RPL9: variants seen among roughly 807,000 people sequenced by gnomAD.
RPL9 encodes ribosomal protein L9.
For synonymous variants in RPL9, 82 were observed against 77.1 expected (o/e 1.06, Z -0.33); for missense variants, 149 against 236.7 (o/e 0.63, Z 2.43).
At chr4:39,457,079 G>C (rs1282907548) in intron 4 of RPL9, 1 of 159,464 alleles carries the variant, frequency 6.3e-6, no homozygotes, top group Non-Finnish European at 1.4e-5. Flanking sequence ...ATACATTATG[G>C]CAGCAGACAG....
rs1231922174 is a variant in RPL9, at chr4:39,458,387, C to T, written c.46+7G>A. ...AAGATGTAAGTAAAAGACATCAAGT[C>T]TCATACCATTTTCTGGAATGTCGAC... On this transcript the variant is annotated splice_region_variant and intron_variant, in intron 2 of 7. Transcript: ENST00000295955. 2 of 1,614,088 alleles carry T rather than the reference C, an allele frequency of 1.2e-6. No homozygotes were observed. Among genetic ancestry groups the T allele is most frequent in the African/African-American group, 2.7e-5 (2 of 74,930 alleles).
chr4:39,456,185 A>T (rs1209537809), intron 5 of RPL9: 2 of 568,818 alleles, frequency 3.5e-6, no homozygotes, highest in Non-Finnish European at 3.2e-6. Flanking sequence ...AAGCTACTCC[A>T]ATGTATCAAC....
Position 39,454,561 on chromosome 4 carries a change from A to G in RPL9, c.561T>C (p.Val187=), listed in dbSNP as rs772146961. The G allele has an allele frequency of 1.9e-6, 3 of 1,612,036 alleles. No homozygotes were observed. In the African/African-American group the frequency reaches 4.0e-5, roughly 22 times the overall value. The change falls in exon 7 of 8, where the codon GTT becomes GTC. Residue 187 remains valine, a synonymous_variant. Transcript: ENST00000295955. ...TTAGATCTTATTCATCAGCCTGCTG[A>G]ACAGTTCCTTTTTCAGAGACATAGA... is the stretch of plus-strand genomic sequence containing the variant. ...DGIYVSEKGT[V]QQADE is the part of the protein sequence containing the mutation.
Position 39,454,162 on chromosome 4 carries a change from A to C in RPL9, c.*74T>G, listed in dbSNP as rs1254254127. 6.2e-6 allele frequency: 1 copy of C among 160,186 alleles called. No individual in the cohort carries two copies. Among genetic ancestry groups the C allele is most frequent in the Non-Finnish European group, 1.4e-5 (1 of 72,850 alleles). 9.9% of individuals were successfully genotyped at this position (160,186 alleles called of 1,614,324 possible). The stretch of plus-strand genomic sequence containing the variant: ...TCCAAATCAATAGGTCTTTTATTGC[A>C]TCATTTAAATATCACAAGTAGGTCT... On this transcript the variant is annotated 3_prime_UTR_variant, in exon 8 of 8. Coordinates refer to ENST00000295955, the MANE Select transcript of RPL9 (RefSeq NM_000661.5).
intron 6 of RPL9, 69 bp from the exon 7 acceptor site, chr4:39,454,718 T>C: frequency 1.4e-6 from 2 of 1,465,592 alleles, no homozygotes; most frequent in Non-Finnish European, 9.3e-7. Context: ...TATTTCATTA[T>C]GTGCTGTACT....
chr4:39,456,317 C>T (rs759174774), intron 5 of RPL9, 89 bp downstream of exon 5: 62 of 1,441,250 alleles, frequency 4.3e-5, no homozygotes, highest in Non-Finnish European at 5.7e-5. Context: ...AAAACAACAG[C>T]CAACTAAAGT....
Position 39,458,224 on chromosome 4 carries a change from T to C in RPL9, c.132A>G (p.Glu44=), listed in dbSNP as rs752280601. 15 of 1,614,080 alleles carry C rather than the reference T, an allele frequency of 9.3e-6. No individual in the cohort carries two copies. Among genetic ancestry groups the C allele is most frequent in the Non-Finnish European group, 1.3e-5 (15 of 1,180,014 alleles). ...LRRDFNHINV[E]LSLLGKKKKR... ...TTTTTTTCTTTCCAAGAAGGCTGAG[T>C]TCTACATTGATGTGATTGAAGTCCC... Residue 44 remains glutamate (E), a synonymous_variant, in exon 3 of 8, where the codon GAA becomes GAG. Coordinates refer to ENST00000295955, the MANE Select transcript of RPL9 (RefSeq NM_000661.5).
chr4:39,455,054 T>C, intron 5 of RPL9, 110 bp from the exon 6 acceptor site: 1 of 1,155,352 alleles, frequency 8.7e-7, no homozygotes, highest in Non-Finnish European at 1.2e-6. Flanking sequence ...AAGAACCTTT[T>C]CTTAAGATTT....
intron 4 of RPL9, 144 bp from the exon 5 acceptor site, chr4:39,456,682 TA>T: frequency 1.1e-6 from 1 of 873,022 alleles, no homozygotes; most frequent in African/African-American, 1.7e-5. Context: ...AACCAAGCCT[TA>T]TAAACATTGT....
chr4:39,456,226 A>G (rs1744079910), intron 5 of RPL9, 180 bp downstream of exon 5: 1 of 673,966 alleles, frequency 1.5e-6, no homozygotes, highest in East Asian at 2.9e-5. Flanking sequence ...ATAATGATAT[A>G]AACCCTTAAG....
rs2276889 is a variant in RPL9 at position 39,458,793 on chromosome 4, C to A, written c.-2+98G>T. 25,001 of 684,042 alleles carry A rather than the reference C, an allele frequency of 0.037. 744 individuals carry two copies. The highest frequency in any genetic ancestry group is 0.1 in the Middle Eastern group (442 of 4,246). 42.4% of individuals were successfully genotyped at this position (684,042 alleles called of 1,614,324 possible). A position where few individuals can be genotyped will look rare whatever the true frequency, so the allele number is the denominator to read the frequency against. On this transcript the variant is annotated intron_variant, in intron 1 of 7. Transcript: ENST00000295955. ...GGCGCTTGCCGAGCTGGGGGACAAA[C>A]AGGACAAGGTTCCGAGAGTGGGAGC... is the stretch of plus-strand genomic sequence containing the variant.
Position 39,458,320 on chromosome 4 carries a change from G to A in RPL9, c.47-11C>T, listed in dbSNP as rs754417283. ...TCAGAGTAATGTCGACTAGAAGAGAGAACACACTCGTCAGGCCACACAACG... is the reference window on the plus strand; with the variant it reads ...TCAGAGTAATGTCGACTAGAAGAGAAAACACACTCGTCAGGCCACACAACG... On this transcript the variant is annotated splice_polypyrimidine_tract_variant and intron_variant, in intron 2 of 7. Coordinates refer to ENST00000295955, the MANE Select transcript of RPL9 (RefSeq NM_000661.5). 15 of 1,613,858 alleles carry A rather than the reference G, an allele frequency of 9.3e-6. No homozygotes were observed. The highest frequency in any genetic ancestry group is 1.2e-5 in the Non-Finnish European group (14 of 1,179,928).
At chr4:39,456,116 GTAAATT>G in intron 5 of RPL9, 1 of 408,456 alleles carries the variant, frequency 2.4e-6, no homozygotes, top group South Asian at 2.1e-5. Context: ...TACACCTTTT[GTAAATT>G]TAAAGTCTTT....
intron 7 of RPL9, 24 bp downstream of exon 7, chr4:39,454,509 A>G: frequency 6.5e-7 from 1 of 1,542,146 alleles, no homozygotes; most frequent in Non-Finnish European, 8.9e-7. Flanking sequence ...CAGTAATAAA[A>G]CTTAAGACAC....
In RPL9 at chr4:39,458,178, G is replaced by A; in HGVS notation, c.162+16C>T. On this transcript the variant is annotated intron_variant, in intron 3 of 7. Transcript: ENST00000295955. ...CTTCCAACGAGCAACTGAATTATCA[G>A]AAGAAAAACCCTCACCCTCTTTTTT... 6.2e-7 allele frequency: 1 copy of A among 1,612,724 alleles called. No homozygotes were observed. The highest frequency in any genetic ancestry group is 1.1e-5 in the South Asian group (1 of 90,970).
intron 5 of RPL9, among the ~76,000 whole-genome samples, chr4:39,455,487 C>G (rs1744051653): frequency 6.6e-6 from 1 of 150,580 alleles, no homozygotes; most frequent in African/African-American, 2.4e-5. Context: ...CCTGCAAGTT[C>G]AAGACCAGCC....
intron 6 of RPL9, 42 bp downstream of exon 6, chr4:39,454,822 C>A: frequency 1.9e-6 from 3 of 1,589,662 alleles, no homozygotes; most frequent in Non-Finnish European, 2.6e-6. Context: ...AAGATTTAGA[C>A]AAAATCTTGT....
At chr4:39,454,314 T>C (rs1011830154) in intron 7 of RPL9, 89 bp from the exon 8 acceptor site, 5 of 449,206 alleles carry the variant, frequency 1.1e-5, no homozygotes, top group African/African-American at 4.0e-5. Context: ...TTCTAAATAA[T>C]CTAAAACATA....
chr4:39,455,191 A>G, intron 5 of RPL9: 1 of 349,868 alleles, frequency 2.9e-6, no homozygotes, highest in Non-Finnish European at 5.2e-6. Context: ...TAGTAAAAAT[A>G]CAAAAAATTA....
Sources: allele counts gnomAD v4.1 joint callset (sites outside exome capture counted in the v4.1 genomes callset), GRCh38; gene constraint gnomAD v4.1.1; transcripts MANE v1.5; gene names NCBI Gene and HGNC (gene_info 2026-07-23, HGNC 2026-07-21).